The following MYT1L variants were observed in gnomAD, a reference collection of about 807,000 sequenced individuals.
The protein encoded by MYT1L is myelin transcription factor 1 like, also known as myelin transcription factor 1-like protein.
A neutral mutation model predicts 126.7 loss-of-function variants in MYT1L; 12 were observed. The ratio of observed to expected loss-of-function variants is 0.09; its 90% CI spans 0.06 to 0.15. The LOEUF (loss-of-function observed/expected upper bound fraction) is 0.15. Among genes scored for constraint, MYT1L ranks in the 10% least tolerant of loss-of-function variants. The pLI is 1.00. For synonymous variants in MYT1L, 541 were observed against 604.2 expected (o/e 0.90, Z 1.53); for missense variants, 979 against 1,585.2 (o/e 0.62, Z 6.49).
At chr2:2,287,238 A>G (rs555636854) in intron 1 of MYT1L, among the ~76,000 whole-genome samples, 1 of 152,310 alleles carries the variant, frequency 6.6e-6, no homozygotes, top group East Asian at 1.9e-4. Context: ...CTGGGCAACA[A>G]GAGCGAAACT....
At chr2:2,166,383 T>C (rs1198626124) in intron 3 of MYT1L, among the ~76,000 whole-genome samples, 1 of 152,254 alleles carries the variant, frequency 6.6e-6, no homozygotes, top group Admixed American at 6.5e-5. Context: ...CCTATTTAGA[T>C]TGATACATCT....
At chr2:1,881,659 C>T (rs1465361314) in intron 18 of MYT1L, among the ~76,000 whole-genome samples, 2 of 152,082 alleles carry the variant, frequency 1.3e-5, no homozygotes, top group African/African-American at 2.4e-5. Context: ...GTGGGCGTGT[C>T]AGCTTTCCAC....
rs879486662 is a variant in MYT1L at position 1,995,120 on chromosome 2, GT to G, written c.-1+2070del. ...AGAGACAGGGTATGGGCTTGGAATA[GT>G]TTTTTTTTTTTCCTACTTACTGTGT... On this transcript the variant is annotated intron_variant, in intron 5 of 24. Coordinates refer to ENST00000647738, the MANE Select transcript of MYT1L (RefSeq NM_001303052.2). Among the ~76,000 whole-genome samples, 69 of 147,200 alleles carry G rather than the reference GT, an allele frequency of 4.7e-4. 1 individual carries two copies. Among genetic ancestry groups the G allele is most frequent in the East Asian group, 3.7e-3 (19 of 5,074 alleles).
At chr2:1,870,313 G>A (rs1453171969) in intron 18 of MYT1L, among the ~76,000 whole-genome samples, 3 of 152,180 alleles carry the variant, frequency 2.0e-5, no homozygotes, top group Non-Finnish European at 4.4e-5. Context: ...CCTGCTTGGT[G>A]CTGGGGGATA....
chr2:2,176,192 T>C (rs922279857), intron 2 of MYT1L, among the ~76,000 whole-genome samples: 2 of 152,156 alleles, frequency 1.3e-5, no homozygotes, highest in Non-Finnish European at 2.9e-5. Context: ...AATGACCATA[T>C]AGACAATGAA....
chr2:2,007,917 T>A (rs970232047), intron 4 of MYT1L, among the ~76,000 whole-genome samples: 1 of 152,168 alleles, frequency 6.6e-6, no homozygotes, highest in Admixed American at 6.5e-5. Context: ...AGAGACCACC[T>A]GGTGAGGGGG....
chr2:2,115,772 TGCTGTGC>T (rs1464829879), intron 3 of MYT1L, among the ~76,000 whole-genome samples: 5 of 152,168 alleles, frequency 3.3e-5, no homozygotes, highest in African/African-American at 1.2e-4. Context: ...GGGAGAGCTG[TGCTGTGC>T]AGTTGAGGAA....
At chr2:2,190,407 A>G (rs2092515016) in intron 2 of MYT1L, among the ~76,000 whole-genome samples, 1 of 151,446 alleles carries the variant, frequency 6.6e-6, no homozygotes, top group South Asian at 2.1e-4. Flanking sequence ...GGGAGCCGAG[A>G]TCACACCAGA....
chr2:2,224,687 C>T lies in MYT1L; in HGVS notation c.-420-51699G>A, dbSNP rs1007260730. Among the ~76,000 whole-genome samples the T allele has an allele frequency of 9.9e-5, 15 of 151,756 alleles. No individual in the cohort carries two copies. Among genetic ancestry groups the T allele is most frequent in the African/African-American group, 1.2e-4 (5 of 41,252 alleles). On this transcript the variant is annotated intron_variant, in intron 2 of 24. Coordinates refer to ENST00000647738, the MANE Select transcript of MYT1L (RefSeq NM_001303052.2). This position sits in a 1 kb window ranked among gnomAD's most constrained non-coding sequence, Gnocchi z 4.0. Reference sequence around the variant, plus strand: ...ACAAAAAATTAGCCAGGTGTGGTGGCGGGCACCTGTAGTCCCAGCTACTTG... The same window carrying T: ...ACAAAAAATTAGCCAGGTGTGGTGGTGGGCACCTGTAGTCCCAGCTACTTG...
At chr2:2,079,986 G>C (rs972511134) in intron 3 of MYT1L, among the ~76,000 whole-genome samples, 11 of 152,174 alleles carry the variant, frequency 7.2e-5, no homozygotes, top group African/African-American at 2.7e-4. Context: ...ACTGATCAAT[G>C]AAATAGAATG....
At chr2:2,279,069 C>T (rs1243243096) in intron 2 of MYT1L, among the ~76,000 whole-genome samples, 1 of 152,160 alleles carries the variant, frequency 6.6e-6, no homozygotes, top group Non-Finnish European at 1.5e-5. Flanking sequence ...CTGCTATTAT[C>T]TTTCACCCCA....
chr2:2,078,636 C>CTT (rs2075477347), intron 3 of MYT1L, among the ~76,000 whole-genome samples: 1 of 152,096 alleles, frequency 6.6e-6, no homozygotes, highest in African/African-American at 2.4e-5. Context: ...GTCAAGAAGA[C>CTT]ATAACAATTA....
At chr2:1,883,897 A>G (rs938097824) in intron 18 of MYT1L, 4 of 152,204 alleles carry the variant, frequency 2.6e-5, no homozygotes, top group Admixed American at 6.5e-5. Flanking sequence ...GTGCACGTTA[A>G]ATTTTAATCC....
chr2:1,876,037 G>C (rs893305868), intron 18 of MYT1L, among the ~76,000 whole-genome samples: 3 of 152,174 alleles, frequency 2.0e-5, no homozygotes, highest in African/African-American at 7.2e-5. Context: ...TTCTGTCCAC[G>C]TGCACATCTG....
At chr2:2,028,232 G>C (rs1445105014) in intron 4 of MYT1L, among the ~76,000 whole-genome samples, 1 of 152,246 alleles carries the variant, frequency 6.6e-6, no homozygotes, top group Non-Finnish European at 1.5e-5. Context: ...GCTTGGTCAG[G>C]GAGTGAGCAC....
intron 2 of MYT1L, among the ~76,000 whole-genome samples, chr2:2,276,296 CT>C (rs1240813113): frequency 6.6e-6 from 1 of 152,192 alleles, no homozygotes; most frequent in Non-Finnish European, 1.5e-5. Flanking sequence ...CTACACAGCC[CT>C]GAGCAGACCA....
intron 1 of MYT1L, among the ~76,000 whole-genome samples, chr2:2,305,677 G>T (rs1340730859): frequency 6.6e-6 from 1 of 152,148 alleles, no homozygotes; most frequent in Non-Finnish European, 1.5e-5. Flanking sequence ...CAGGATACAT[G>T]ACTGGGGAGG....
At chr2:2,161,534 T>C (rs1193357870) in intron 3 of MYT1L, among the ~76,000 whole-genome samples, 3 of 152,240 alleles carry the variant, frequency 2.0e-5, no homozygotes, top group African/African-American at 7.2e-5. Flanking sequence ...GTGCCTATGT[T>C]GAATCCTTCT....
chr2:2,309,007 T>C (rs1385451538), intron 1 of MYT1L, among the ~76,000 whole-genome samples: 1 of 151,928 alleles, frequency 6.6e-6, no homozygotes, highest in Non-Finnish European at 1.5e-5. Flanking sequence ...TTCAGTACAC[T>C]CTACCTATAC....
Sources: gnomAD v4.1 joint callset for allele counts (sites outside exome capture counted in the v4.1 genomes callset) on GRCh38, gnomAD v4.1.1 for gene constraint, Gnocchi (gnomAD v3.1) non-coding constraint, MANE v1.5 for transcripts, NCBI Gene and HGNC (gene_info 2026-07-23, HGNC 2026-07-21) for gene names.